Variants in ST6GALNAC3 observed in about 807,000 individuals in gnomAD.
ST6GALNAC3 encodes alpha-N-acetylgalactosaminide alpha-2,6-sialyltransferase 3.
Under a neutral mutation model 32.7 loss-of-function variants are expected in ST6GALNAC3, and 25 were observed. The ratio of observed to expected loss-of-function variants is 0.76; its 90% CI spans 0.56 to 1.07. The LOEUF is 1.07. Ranked by LOEUF, ST6GALNAC3 falls within the 50% of genes least tolerant of loss-of-function variation. ST6GALNAC3 has a pLI of 0.00. For missense variants in ST6GALNAC3, 355 were observed against 382.4 expected (o/e 0.93, Z 0.60); for synonymous variants, 129 against 133.1 (o/e 0.97, Z 0.21).
In ST6GALNAC3 at chr1:76,628,768, A is replaced by G. The variant is rs746029557; in HGVS notation, c.880A>G (p.Arg294Gly). 16 of 1,612,224 alleles carry G rather than the reference A, an allele frequency of 9.9e-6. No homozygotes were observed. Residue 294 changes from arginine to glycine, a missense_variant, in exon 5 of 5, where the codon AGG becomes GGG. Physicochemically the swap from Arg to Gly is moderately radical, Grantham distance 125 (BLOSUM62 -2). Coordinates refer to ENST00000328299, the MANE Select transcript of ST6GALNAC3 (RefSeq NM_152996.4). ...KVFAKWAKKH[R>G]IIFTHPNWTL... ...GTTTGCTAAATGGGCCAAGAAGCAC[A>G]GGATAATATTTACACATCCAAACTG...
intron 1 of ST6GALNAC3, among the ~76,000 whole-genome samples, chr1:76,086,562 CCTT>C (rs997577903): frequency 2.8e-4 from 43 of 152,066 alleles, no homozygotes; most frequent in African/African-American, 8.7e-4. Context: ...TTCTGATGTT[CCTT>C]CTTCATCTCC....
At chr1:76,186,598 G>A (rs990153129) in intron 1 of ST6GALNAC3, among the ~76,000 whole-genome samples, 4 of 152,132 alleles carry the variant, frequency 2.6e-5, no homozygotes, top group South Asian at 4.2e-4. Context: ...GTACAAACCT[G>A]CTTATCTCCA....
chr1:76,294,366 A>G (rs1660271653), intron 1 of ST6GALNAC3, among the ~76,000 whole-genome samples: 1 of 152,124 alleles, frequency 6.6e-6, no homozygotes. Context: ...TTTATTAAAA[A>G]AAAAACCTTT....
At chr1:76,527,399 A>G (rs746136233) in intron 3 of ST6GALNAC3, among the ~76,000 whole-genome samples, 6 of 151,784 alleles carry the variant, frequency 4.0e-5, no homozygotes, top group Non-Finnish European at 5.9e-5. Context: ...TTTTGGAAAA[A>G]TTTTCTCCCC....
At chr1:76,400,481 T>C (rs1004417036) in intron 2 of ST6GALNAC3, among the ~76,000 whole-genome samples, 1 of 152,178 alleles carries the variant, frequency 6.6e-6, no homozygotes, top group Admixed American at 6.5e-5. Flanking sequence ...TTGGAAGACA[T>C]TTTCTCAAAA....
intron 1 of ST6GALNAC3, among the ~76,000 whole-genome samples, chr1:76,310,248 G>C (rs544396231): frequency 6.6e-6 from 1 of 152,302 alleles, no homozygotes; most frequent in South Asian, 2.1e-4. Context: ...TTAGCCATCT[G>C]TTCTGGTCTA....
intron 3 of ST6GALNAC3, among the ~76,000 whole-genome samples, chr1:76,566,863 G>C (rs1419882637): frequency 6.6e-6 from 1 of 152,148 alleles, no homozygotes; most frequent in Non-Finnish European, 1.5e-5. Flanking sequence ...GCACAAAATA[G>C]GTCCTCAATT....
At chr1:76,124,322 G>T (rs74092509) in intron 1 of ST6GALNAC3, among the ~76,000 whole-genome samples, 9,659 of 152,140 alleles carry the variant, frequency 0.063, 1,044 homozygotes, top group African/African-American at 0.22. Context: ...CAAATCATGC[G>T]CATTCTTTCA....
At chr1:76,418,935 C>CAA (rs368013298) in intron 3 of ST6GALNAC3, among the ~76,000 whole-genome samples, 39 of 136,096 alleles carry the variant, frequency 2.9e-4, no homozygotes, top group African/African-American at 1.0e-3. Context: ...ATTAAAAATT[C>CAA]AAAAAAAAAA....
intron 1 of ST6GALNAC3, among the ~76,000 whole-genome samples, chr1:76,184,895 C>A (rs1570355849): frequency 6.6e-6 from 1 of 152,116 alleles, no homozygotes; most frequent in African/African-American, 2.4e-5. Context: ...TCATGTTGTC[C>A]AGTCGAGTAT....
In ST6GALNAC3 at chr1:76,431,549, G is replaced by A. The variant is rs1424765624; in HGVS notation, c.623+19132G>A. On this transcript the variant is annotated intron_variant, in intron 3 of 4. Coordinates refer to ENST00000328299, the MANE Select transcript of ST6GALNAC3 (RefSeq NM_152996.4). ...CCCTTTCTGTCTCTCTCATACACAT[G>A]CACACATATACACAAAATATTCCAT... 2.3e-4 allele frequency among the ~76,000 whole-genome samples: 35 copies of A among 151,822 alleles called. 2 individuals carry two copies. Among genetic ancestry groups the A allele is most frequent in the Admixed American group, 2.3e-3 (35 of 15,240 alleles).
intron 2 of ST6GALNAC3, among the ~76,000 whole-genome samples, chr1:76,385,956 T>C (rs1208635053): frequency 6.6e-6 from 1 of 152,094 alleles, no homozygotes; most frequent in Admixed American, 6.6e-5. Flanking sequence ...CTTAGTGTTC[T>C]GATAGGAAAC....
At chr1:76,184,025 C>G (rs1653372211) in intron 1 of ST6GALNAC3, among the ~76,000 whole-genome samples, 1 of 151,776 alleles carries the variant, frequency 6.6e-6, no homozygotes, top group South Asian at 2.1e-4. Context: ...CTTCTTGCCA[C>G]TTTTCTCTCT....
intron 1 of ST6GALNAC3, among the ~76,000 whole-genome samples, chr1:76,245,807 T>C (rs1657224905): frequency 6.6e-6 from 1 of 152,188 alleles, no homozygotes; most frequent in Non-Finnish European, 1.5e-5. Context: ...TGCTTTTGCT[T>C]AGAAGAGTTT....
At chr1:76,111,383 C>T (rs1015604648) in intron 1 of ST6GALNAC3, among the ~76,000 whole-genome samples, 14 of 151,998 alleles carry the variant, frequency 9.2e-5, no homozygotes, top group African/African-American at 2.4e-4. Context: ...TAGCCAATGT[C>T]GTCTAGATCT....
intron 3 of ST6GALNAC3, among the ~76,000 whole-genome samples, chr1:76,481,005 A>G (rs375806877): frequency 6.6e-5 from 10 of 152,136 alleles, no homozygotes; most frequent in African/African-American, 1.9e-4. Context: ...AGCAGACCAC[A>G]TACTTCAAAC....
chr1:76,295,554 T>G (rs1660351599), intron 1 of ST6GALNAC3, among the ~76,000 whole-genome samples: 1 of 152,090 alleles, frequency 6.6e-6, no homozygotes, highest in Non-Finnish European at 1.5e-5. Context: ...AGAGGCATAA[T>G]GTATGTAGGG....
chr1:76,177,013 A>G lies in ST6GALNAC3; in HGVS notation c.18+102129A>G, dbSNP rs1235375563. On this transcript the variant is annotated intron_variant, in intron 1 of 4. Coordinates refer to ENST00000328299, the MANE Select transcript of ST6GALNAC3 (RefSeq NM_152996.4). ...TCACTTGAGCCCAGGAGTTCGAGAC[A>G]ACAGTGAGCTCTGATTGTGCTACTG... 2.0e-5 allele frequency among the ~76,000 whole-genome samples: 3 copies of G among 152,322 alleles called. No individual in the cohort carries two copies. The East Asian group carries it at 5.8e-4, about 29-fold the overall frequency.
chr1:76,214,095 T>C (rs1316655518), intron 1 of ST6GALNAC3, among the ~76,000 whole-genome samples: 1 of 152,164 alleles, frequency 6.6e-6, no homozygotes, highest in Non-Finnish European at 1.5e-5. Flanking sequence ...GGTAGTCAAT[T>C]CATAACCTAG....
Sources: allele counts gnomAD v4.1 joint callset (sites outside exome capture counted in the v4.1 genomes callset), GRCh38; gene constraint gnomAD v4.1.1; transcripts MANE v1.5; gene names NCBI Gene and HGNC (gene_info 2026-07-23, HGNC 2026-07-21).